The following ZNF875 variants were observed in gnomAD, a reference collection of about 807,000 sequenced individuals.
ZNF875 encodes HKR1, GLI-Kruppel zinc finger family member.
Under a neutral mutation model 11.2 loss-of-function variants are expected in ZNF875, and 14 were observed. The observed-to-expected ratio is 1.26, with a 90% confidence interval of 0.83 to 1.96. ZNF875 has a LOEUF of 1.96. Ranked by LOEUF, ZNF875 falls within the 30% of genes most tolerant of loss-of-function variation. The pLI, the probability that ZNF875 is intolerant of heterozygous loss-of-function variation, is 0.00. For synonymous variants in ZNF875, 301 were observed against 281.1 expected (o/e 1.07, Z -0.71); for missense variants, 752 against 760.4 (o/e 0.99, Z 0.13).
At chr19:37,318,188 T>TA (rs748764032) in intron 1 of ZNF875, 15 of 153,370 alleles carry the variant, frequency 9.8e-5, no homozygotes, top group Non-Finnish European at 1.5e-5. Flanking sequence ...AGATTAAAGG[T>TA]AAAAACGGGA....
chr19:37,349,652 CTTTTTTTATT>C (rs1201980401), intron 4 of ZNF875, among the ~76,000 whole-genome samples: 3 of 151,638 alleles, frequency 2.0e-5, no homozygotes, highest in Admixed American at 6.6e-5. Flanking sequence ...TACCTCCTTG[CTTTTTTTATT>C]TTTTTTTATT....
intron 4 of ZNF875, among the ~76,000 whole-genome samples, chr19:37,358,360 C>G (rs2039305578): frequency 1.3e-5 from 2 of 151,588 alleles, no homozygotes; most frequent in South Asian, 4.2e-4. Flanking sequence ...TGGTCTCAAT[C>G]TCCTGACCTC....
At chr19:37,334,080 C>T (rs533242674), upstream of ZNF875, among the ~76,000 whole-genome samples, 1 of 152,272 alleles carries the variant, frequency 6.6e-6, no homozygotes, top group South Asian at 2.1e-4. Flanking sequence ...CCTAGGGACA[C>T]GCGACCAGTC....
chr19:37,338,823 G>A (rs2035061906), intron 2 of ZNF875, among the ~76,000 whole-genome samples: 1 of 152,138 alleles, frequency 6.6e-6, no homozygotes. Context: ...CATGTTTCAG[G>A]AGCGTTGGGT....
upstream of ZNF875, among the ~76,000 whole-genome samples, chr19:37,314,277 AATT>A (rs937937094): frequency 8.6e-5 from 13 of 151,950 alleles, no homozygotes; most frequent in South Asian, 4.2e-4. Flanking sequence ...ACGCCCACCT[AATT>A]ATTATTATTT....
chr19:37,313,376 C>T (rs1351266865), upstream of ZNF875: 1 of 152,250 alleles, frequency 6.6e-6, no homozygotes, highest in Non-Finnish European at 1.5e-5. Flanking sequence ...GACAGCCACA[C>T]TCTTACCCCA....
At chr19:37,344,831 G>T in intron 2 of ZNF875, 1 of 1,115,854 alleles carries the variant, frequency 9.0e-7, no homozygotes, top group Non-Finnish European at 1.4e-6. Context: ...CTCCTTCGTG[G>T]GAGATTTTCA....
chr19:37,342,264 G>A (rs187227850), intron 2 of ZNF875, among the ~76,000 whole-genome samples: 1 of 152,260 alleles, frequency 6.6e-6, no homozygotes, highest in East Asian at 1.9e-4. Context: ...TGGAGAGACT[G>A]AAGATGTAAA....
chr19:37,335,211 A>G lies in ZNF875; in HGVS notation c.-14A>G, dbSNP rs780231081. 7.1e-6 allele frequency: 5 copies of G among 702,426 alleles called. No individual in the cohort carries two copies. In the South Asian group the frequency reaches 7.4e-5, roughly 10 times the overall value. The allele number at this position is 702,426 out of a possible 1,614,324, so 43.5% of individuals were successfully genotyped here. On this transcript the variant is annotated 5_prime_UTR_variant, in exon 2 of 5. Transcript: ENST00000392153. ...TTGCCCTTCTCCAGGAAGAGCACTC[A>G]GGAGACCAGGAAAATGGCCACAGGG... is the stretch of plus-strand genomic sequence containing the variant.
chr19:37,360,542 A>G (rs2039721480), intron 4 of ZNF875, among the ~76,000 whole-genome samples: 1 of 152,224 alleles, frequency 6.6e-6, no homozygotes, highest in Non-Finnish European at 1.5e-5. Context: ...CACCATCTTA[A>G]TAATAGTAAG....
At position 37,363,507 on chromosome 19, in the gene ZNF875, A is replaced by T. The variant is rs746467134; in HGVS notation, c.1655A>T (p.His552Leu). The change falls in exon 5 of 5, where the codon CAC becomes CTC. Residue 552 changes from histidine (H) to leucine (L), a missense_variant. His to Leu is a moderately conservative substitution (Grantham distance 99). Transcript: ENST00000392153. ...RFRQKPNLFR[H>L]KRAHSGAFVC... is the part of the protein sequence containing the mutation. Reference sequence around the variant, plus strand: ...CGGCAGAAGCCTAACCTGTTTAGGCACAAGAGGGCACACTCAGGTGCCTTT... The same window carrying T: ...CGGCAGAAGCCTAACCTGTTTAGGCTCAAGAGGGCACACTCAGGTGCCTTT... The T allele has an allele frequency of 1.9e-5, 30 of 1,613,094 alleles. No individual in the cohort carries two copies. The highest frequency in any genetic ancestry group is 2.5e-5 in the Non-Finnish European group (29 of 1,179,398).
chr19:37,344,636 C>T (rs771985100), intron 2 of ZNF875: 1 of 1,559,818 alleles, frequency 6.4e-7, no homozygotes, highest in Non-Finnish European at 8.8e-7. Flanking sequence ...TTAACTCCCC[C>T]AAGCTTCTAG....
intron 2 of ZNF875, among the ~76,000 whole-genome samples, chr19:37,343,986 G>A (rs1250945840): frequency 6.6e-6 from 1 of 152,040 alleles, no homozygotes; most frequent in African/African-American, 2.4e-5. Context: ...CAAGGACTGG[G>A]GTGCTTTCAT....
intron 1 of ZNF875, among the ~76,000 whole-genome samples, chr19:37,319,369 A>ATATATATATATATATATATATATATG (rs56256521): frequency 2.1e-5 from 3 of 139,954 alleles, no homozygotes; most frequent in South Asian, 4.6e-4. Flanking sequence ...ATATATATAT[A>ATATATATATATATATATATATATATG]ATAAAAATGG....
chr19:37,345,181 G>A (rs1221680320), intron 2 of ZNF875, among the ~76,000 whole-genome samples: 1 of 152,098 alleles, frequency 6.6e-6, no homozygotes, highest in Non-Finnish European at 1.5e-5. Context: ...GATTTGTGGT[G>A]GGACTCAAGA....
intron 4 of ZNF875, among the ~76,000 whole-genome samples, chr19:37,361,533 A>C (rs771670891): frequency 2.6e-5 from 4 of 151,982 alleles, no homozygotes; most frequent in Non-Finnish European, 5.9e-5. Flanking sequence ...ACCCCTTAAA[A>C]AGGTAAAAAC....
intron 4 of ZNF875, among the ~76,000 whole-genome samples, chr19:37,350,771 C>CTGTTCCCCA (rs138902589): frequency 0.036 from 5,187 of 145,426 alleles, 138 homozygotes; most frequent in Non-Finnish European, 0.052. Context: ...AACTACTGAT[C>CTGTTCCCCA]TGTTCCCCAT....
intron 4 of ZNF875, among the ~76,000 whole-genome samples, chr19:37,350,618 A>T (rs2037691661): frequency 6.6e-6 from 1 of 151,730 alleles, no homozygotes. Context: ...CTTTTTTTTA[A>T]TTGTTGCTCT....
At chr19:37,345,997 T>A (rs1176637049) in intron 2 of ZNF875, among the ~76,000 whole-genome samples, 1 of 152,232 alleles carries the variant, frequency 6.6e-6, no homozygotes, top group African/African-American at 2.4e-5. Flanking sequence ...TAAAAATATT[T>A]GACTGCTAAG....
Sources: gnomAD v4.1 joint callset for allele counts (sites outside exome capture counted in the v4.1 genomes callset) on GRCh38, gnomAD v4.1.1 for gene constraint, MANE v1.5 for transcripts, NCBI Gene and HGNC (gene_info 2026-07-23, HGNC 2026-07-21) for gene names.